Variants in ADGRA3 observed in about 807,000 individuals in gnomAD.
ADGRA3 encodes G-protein coupled receptor 125.
ADGRA3 carries 56 observed loss-of-function variants against 119.8 expected under a neutral mutation model. That is an observed-to-expected ratio of 0.47 (90% CI 0.38 to 0.58). The LOEUF (loss-of-function observed/expected upper bound fraction) is 0.58, where lower values mean the gene tolerates loss of function less well. ADGRA3 is among the 20% of genes least tolerant of loss of function. ADGRA3 has a pLI of 0.00. For synonymous variants in ADGRA3, 607 were observed against 623.8 expected (o/e 0.97, Z 0.40); for missense variants, 1,516 against 1,649.0 (o/e 0.92, Z 1.40).
intron 12 of ADGRA3, chr4:22,414,717 A>G (rs558671150): frequency 1.6e-6 from 1 of 627,218 alleles, no homozygotes; most frequent in Non-Finnish European, 2.8e-6. Context: ...ATGAAAATCT[A>G]TTGCTCAGAT....
At chr4:22,401,372 A>C in intron 16 of ADGRA3, 59 bp downstream of exon 16, 3 of 1,456,858 alleles carry the variant, frequency 2.1e-6, no homozygotes, top group Non-Finnish European at 2.8e-6. Context: ...TTTATAGTTA[A>C]TGAAATTATC....
At position 22,442,725 on chromosome 4, in the gene ADGRA3, C is replaced by T. The variant is rs1328363462; in HGVS notation, c.845G>A (p.Arg282Lys). The T allele has an allele frequency of 1.9e-6, 3 of 1,613,338 alleles. No individual in the cohort carries two copies. The highest frequency in any genetic ancestry group is 1.1e-5 in the South Asian group (1 of 91,058). ...TTGCGATTCATCGGTTTCAACTATT[C>T]TCCCATCCTGATACCACAACACTTG... ...DMQVLWYQDG[R>K]IVETDESQGI... The change falls in exon 7 of 19, where the codon AGA becomes AAA. Residue 282 changes from arginine to lysine, a missense_variant. Physicochemically the swap from Arg to Lys is conservative, Grantham distance 26. Coordinates refer to ENST00000334304, the MANE Select transcript of ADGRA3 (RefSeq NM_145290.4).
At chr4:22,506,057 AC>A (rs1490834036) in intron 1 of ADGRA3, among the ~76,000 whole-genome samples, 1 of 152,176 alleles carries the variant, frequency 6.6e-6, no homozygotes. Context: ...GCCAGCCCAT[AC>A]TGTATGCAGG....
chr4:22,484,355 A>C (rs375658529), intron 1 of ADGRA3, among the ~76,000 whole-genome samples: 1 of 152,146 alleles, frequency 6.6e-6, no homozygotes, highest in Non-Finnish European at 1.5e-5. Context: ...CTATAATCCC[A>C]GCAGTTTGGG....
Position 22,389,077 on chromosome 4 carries a change from A to C in ADGRA3, c.2723+11T>G. ...ACTGGGTCAAGTACACAGAGAATAT[A>C]AAATACTCACTAGGGTGCGTTTGGC... On this transcript the variant is annotated intron_variant, in intron 18 of 18. Transcript: ENST00000334304. 6.2e-7 allele frequency: 1 copy of C among 1,611,296 alleles called. No homozygotes were observed. The highest frequency in any genetic ancestry group is 8.5e-7 in the Non-Finnish European group (1 of 1,177,760).
intron 1 of ADGRA3, among the ~76,000 whole-genome samples, chr4:22,492,124 A>C (rs530210906): frequency 2.0e-5 from 3 of 152,322 alleles, no homozygotes; most frequent in Non-Finnish European, 2.9e-5. Flanking sequence ...CCACAGTAGC[A>C]CTGGAAAAAT....
At chr4:22,389,051 A>T in intron 18 of ADGRA3, 37 bp downstream of exon 18, 1 of 1,600,962 alleles carries the variant, frequency 6.2e-7, no homozygotes, top group Non-Finnish European at 8.5e-7. Context: ...AAAGAGAAAC[A>T]ACTGGGTCAA....
intron 1 of ADGRA3, among the ~76,000 whole-genome samples, chr4:22,478,496 G>A (rs569546807): frequency 6.6e-6 from 1 of 152,182 alleles, no homozygotes; most frequent in East Asian, 1.9e-4. Flanking sequence ...AAATGTGTTG[G>A]AGCTATAATT....
In ADGRA3 at chr4:22,424,218, T is replaced by C. The variant is rs1715835493; in HGVS notation, c.1578A>G (p.Leu526=). 4 of 1,612,120 alleles carry C rather than the reference T, an allele frequency of 2.5e-6. No homozygotes were observed. Among genetic ancestry groups the C allele is most frequent in the Non-Finnish European group, 3.4e-6 (4 of 1,179,300 alleles). The change falls in exon 11 of 19, where the codon CTA becomes CTG. Residue 526 remains leucine, a synonymous_variant. Transcript: ENST00000334304. ...TTGAATAAACGTGAGCTCCACCGGC[T>C]AGCCGGTAGGTAGCAATGCGCTGAA... The part of the protein sequence containing the change: ...QCLQRIATYR[L]AGGAHVYSTY...
intron 16 of ADGRA3, among the ~76,000 whole-genome samples, chr4:22,397,661 T>G (rs1714421311): frequency 6.6e-6 from 1 of 152,114 alleles, no homozygotes; most frequent in Non-Finnish European, 1.5e-5. Context: ...AACTGAATCA[T>G]GAGGGTGGGT....
rs765533879 is a variant in ADGRA3 at position 22,387,944 on chromosome 4, A to G, written c.3727T>C (p.Cys1243Arg). ...NPPQQDSSDA[C>R]STLPKSSRNF... ...CTGCTACTTTTGGGAAGTGTGCTACAAGCATCGCTGCTGTCTTGCTGGGGT... is the reference window on the plus strand; with the variant it reads ...CTGCTACTTTTGGGAAGTGTGCTACGAGCATCGCTGCTGTCTTGCTGGGGT... Residue 1243 changes from cysteine to arginine, a missense_variant, in exon 19 of 19, where the codon TGT becomes CGT. Cys to Arg is a radical substitution (Grantham distance 180). This residue lies in a region of ADGRA3 where 1,088 missense variants were observed against 1,107.1 expected (regional missense o/e 0.98). Transcript: ENST00000334304. 5.7e-5 allele frequency: 92 copies of G among 1,614,038 alleles called. No homozygotes were observed. Among genetic ancestry groups the G allele is most frequent in the Non-Finnish European group, 7.5e-5 (88 of 1,180,032 alleles).
intron 4 of ADGRA3, among the ~76,000 whole-genome samples, chr4:22,449,041 T>A (rs554454735): frequency 9.9e-5 from 15 of 151,976 alleles, no homozygotes; most frequent in Admixed American, 9.8e-4. Flanking sequence ...AGGGCTGAGG[T>A]GGGTGGATCA....
chr4:22,497,218 GA>G (rs1718860604), intron 1 of ADGRA3, among the ~76,000 whole-genome samples: 1 of 152,082 alleles, frequency 6.6e-6, no homozygotes, highest in Non-Finnish European at 1.5e-5. Context: ...AAGGTGGGGG[GA>G]AATGCAGGCA....
chr4:22,480,474 T>A (rs189525467), intron 1 of ADGRA3, among the ~76,000 whole-genome samples: 2 of 151,676 alleles, frequency 1.3e-5, no homozygotes, highest in African/African-American at 4.8e-5. Flanking sequence ...AGAAGTTCAA[T>A]ATCAGCGTGG....
At chr4:22,395,013 C>T (rs1714291780) in intron 16 of ADGRA3, 1 of 152,158 alleles carries the variant, frequency 6.6e-6, no homozygotes, top group African/African-American at 2.4e-5. Flanking sequence ...ACTTTGTCTA[C>T]ATGAAATACA....
chr4:22,489,015 T>A (rs1718535790), intron 1 of ADGRA3, among the ~76,000 whole-genome samples: 1 of 152,174 alleles, frequency 6.6e-6, no homozygotes, highest in Non-Finnish European at 1.5e-5. Context: ...ATTGTGTTAG[T>A]CCATTTTCAT....
At chr4:22,417,511 T>C (rs547863658) in intron 12 of ADGRA3, among the ~76,000 whole-genome samples, 17 of 152,288 alleles carry the variant, frequency 1.1e-4, no homozygotes, top group Admixed American at 3.3e-4. Flanking sequence ...CATTTCATAA[T>C]CTGCATAACA....
intron 8 of ADGRA3, among the ~76,000 whole-genome samples, chr4:22,437,510 T>C (rs1716442751): frequency 6.6e-6 from 1 of 152,172 alleles, no homozygotes; most frequent in Non-Finnish European, 1.5e-5. Context: ...TCATATCAAC[T>C]ATAAACTCAT....
At chr4:22,475,061 T>C (rs1334988282) in intron 1 of ADGRA3, among the ~76,000 whole-genome samples, 1 of 152,166 alleles carries the variant, frequency 6.6e-6, no homozygotes, top group Non-Finnish European at 1.5e-5. Context: ...AATTTTAAAA[T>C]CCCTGCAGAT....
Sources: gnomAD v4.1 joint callset for allele counts (sites outside exome capture counted in the v4.1 genomes callset) on GRCh38, gnomAD v4.1.1 for gene constraint, gnomAD v4.1.1 regional missense constraint, MANE v1.5 for transcripts, NCBI Gene and HGNC (gene_info 2026-07-23, HGNC 2026-07-21) for gene names.